Variants in TICAM1 observed in about 807,000 individuals in gnomAD.
TICAM1 encodes the protein TIR domain-containing adapter molecule 1.
For synonymous variants in TICAM1, 439 were observed against 415.4 expected (o/e 1.06, Z -0.69); for missense variants, 895 against 938.2 (o/e 0.95, Z 0.60).
chr19:4,820,960 G>A (rs1189518903), intron 1 of TICAM1, among the ~76,000 whole-genome samples: 1 of 151,618 alleles, frequency 6.6e-6, no homozygotes, highest in African/African-American at 2.4e-5. Context: ...GGGAAGCTAA[G>A]GCGGACAGAT....
chr19:4,817,276 A>AAGGAGGAGGAGG lies in TICAM1; in HGVS notation c.1090_1101dup (p.Pro364_Pro367dup). 6.2e-7 allele frequency: 1 copy of AAGGAGGAGGAGG among 1,603,044 alleles called. No individual in the cohort carries two copies. Among genetic ancestry groups the AAGGAGGAGGAGG allele is most frequent in the South Asian group, 1.1e-5 (1 of 90,622 alleles). On this transcript the variant is annotated inframe_insertion, in exon 2 of 2. Coordinates refer to ENST00000248244, the MANE Select transcript of TICAM1 (RefSeq NM_182919.4). The surrounding 1 kb of genome is among the most constrained non-coding windows in gnomAD (Gnocchi z 4.7). ...AGGTGAGCTGAACAAGGAGTAGATG[A>AAGGAGGAGGAGG]AGGAGGAGGAGGAGGAGGAGGAGGG... is the stretch of plus-strand genomic sequence containing the variant.
At chr19:4,819,554 C>T (rs2093593664) in intron 1 of TICAM1, among the ~76,000 whole-genome samples, 1 of 152,084 alleles carries the variant, frequency 6.6e-6, no homozygotes, top group Non-Finnish European at 1.5e-5. Flanking sequence ...TGACTGAAAG[C>T]CAGTAGGTGC....
intron 1 of TICAM1, among the ~76,000 whole-genome samples, chr19:4,826,594 G>T (rs1159657902): frequency 6.6e-6 from 1 of 152,130 alleles, no homozygotes; most frequent in African/African-American, 2.4e-5. Context: ...CAAAGTGCTG[G>T]GATTACAGGC....
chr19:4,822,552 TATAA>T (rs1310003049), intron 1 of TICAM1, among the ~76,000 whole-genome samples: 4 of 152,252 alleles, frequency 2.6e-5, no homozygotes, highest in Non-Finnish European at 4.4e-5. Flanking sequence ...CAATTGCTTT[TATAA>T]ATAAAGTTTT....
rs1307591427 is a variant in TICAM1, at chr19:4,829,130, C to T, written c.-140+2484G>A. Among the ~76,000 whole-genome samples the T allele has an allele frequency of 3.3e-5, 5 of 152,182 alleles. No individual in the cohort carries two copies. The East Asian group carries it at 5.8e-4, about 18-fold the overall frequency. ...GATTACAGGCATGAGCCACTGCGCCCGGCCTGTATAGGACTCTTAAAGCAG... is the reference window on the plus strand; with the variant it reads ...GATTACAGGCATGAGCCACTGCGCCTGGCCTGTATAGGACTCTTAAAGCAG... On this transcript the variant is annotated intron_variant, in intron 1 of 1. Transcript: ENST00000248244.
At chr19:4,821,644 ATT>A (rs67187848) in intron 1 of TICAM1, among the ~76,000 whole-genome samples, 27 of 136,608 alleles carry the variant, frequency 2.0e-4, no homozygotes, top group Non-Finnish European at 1.6e-4. Flanking sequence ...ATGGCCCACG[ATT>A]TTTTTTTTTT....
In TICAM1 at chr19:4,817,334, C is replaced by G. The variant is rs772969793; in HGVS notation, c.1044G>C (p.Pro348=). The G allele has an allele frequency of 1.2e-6, 2 of 1,612,998 alleles. No homozygotes were observed. The highest frequency in any genetic ancestry group is 1.7e-5 in the Admixed American group (1 of 59,912). ...CTGGGGTGGTGGGAGTAGGTGGGCA[C>G]GGCTTGGTATTTGGAGAGGTGGTAT... ...VEDTTSPNTK[P]CPPTPTTPET... The change falls in exon 2 of 2, where the codon CCG becomes CCC. Residue 348 remains proline (P), a synonymous_variant. Coordinates refer to ENST00000248244, the MANE Select transcript of TICAM1 (RefSeq NM_182919.4). This position sits in a 1 kb window ranked among gnomAD's most constrained non-coding sequence, Gnocchi z 4.7.
Position 4,816,329 on chromosome 19 carries a change from G to C in TICAM1, c.2049C>G (p.His683Gln). The change falls in exon 2 of 2, where the codon CAC becomes CAG. Residue 683 changes from histidine (H) to glutamine (Q), a missense_variant. Transcript: ENST00000248244. This position sits in a 1 kb window ranked among gnomAD's most constrained non-coding sequence, Gnocchi z 4.3. ...TCAGCCCCAGCTGTACCATCTGTGC[G>C]TGGTGGATAATGAGGGGTTGCAGCC... The part of the protein sequence containing the change: ...SPGLQPLIIH[H>Q]AQMVQLGLNN... 6.3e-7 allele frequency: 1 copy of C among 1,576,936 alleles called. No homozygotes were observed. Among genetic ancestry groups the C allele is most frequent in the Non-Finnish European group, 8.6e-7 (1 of 1,163,232 alleles).
At chr19:4,828,619 C>G (rs182028583) in intron 1 of TICAM1, among the ~76,000 whole-genome samples, 240 of 152,010 alleles carry the variant, frequency 1.6e-3, no homozygotes, top group African/African-American at 5.6e-3. Flanking sequence ...CTACAGCCTC[C>G]GCATCCTGGG....
At position 4,816,631 on chromosome 19, in the gene TICAM1, G is replaced by A. The variant is rs1432416352; in HGVS notation, c.1747C>T (p.Gln583Ter). The change falls in exon 2 of 2, where the codon CAG becomes TAG. Residue 583 changes from glutamine to a stop codon, truncating the protein, a stop_gained. Transcript: ENST00000248244. LOFTEE classifies it low-confidence loss of function (END_TRUNC). The surrounding 1 kb of genome is among the most constrained non-coding windows in gnomAD (Gnocchi z 4.3). ...AAAGCCACCTGGAGCTGCTCCATCT[G>A]TGCCTGGTAGGACAAGTAGCTCTGG... ...YLQSYLSYQA[Q>*]MEQLQVAFGS... The A allele has an allele frequency of 6.2e-7, 1 of 1,614,050 alleles. No homozygotes were observed. Among genetic ancestry groups the A allele is most frequent in the East Asian group, 2.2e-5 (1 of 44,896 alleles).
chr19:4,827,731 C>T (rs1039776325), intron 1 of TICAM1, among the ~76,000 whole-genome samples: 2 of 145,802 alleles, frequency 1.4e-5, no homozygotes, highest in African/African-American at 2.5e-5. Context: ...GCACTCCAGC[C>T]TGGGTGACAG....
intron 1 of TICAM1, among the ~76,000 whole-genome samples, chr19:4,830,474 C>T (rs1316641512): frequency 6.6e-6 from 1 of 152,082 alleles, no homozygotes; most frequent in South Asian, 2.1e-4. Context: ...CCACCTTGTC[C>T]TTTTTAAATG....
At chr19:4,824,070 G>A (rs2093602067) in intron 1 of TICAM1, among the ~76,000 whole-genome samples, 1 of 151,894 alleles carries the variant, frequency 6.6e-6, no homozygotes, top group Non-Finnish European at 1.5e-5. Flanking sequence ...GTGCAGTGGT[G>A]CGATCTTAGC....
intron 1 of TICAM1, among the ~76,000 whole-genome samples, chr19:4,829,764 C>T (rs1217271165): frequency 6.6e-6 from 1 of 150,470 alleles, no homozygotes; most frequent in Non-Finnish European, 1.5e-5. Context: ...TTTTCTCTTC[C>T]TCTTCCTTTT....
intron 1 of TICAM1, among the ~76,000 whole-genome samples, chr19:4,827,372 CAAAAAAAAAAAAAAAAAAAAAA>C (rs57574607): frequency 3.7e-5 from 2 of 54,148 alleles, no homozygotes; most frequent in African/African-American, 1.3e-4. Flanking sequence ...ACTCTGTCTC[CAAAAAAAAAAAAAAAAAAAAAA>C]AAAAAAAAAG....
At chr19:4,829,805 CTTTTTTT>C (rs539314470) in intron 1 of TICAM1, among the ~76,000 whole-genome samples, 11 of 87,628 alleles carry the variant, frequency 1.3e-4, no homozygotes, top group African/African-American at 2.2e-4. Flanking sequence ...AATTTCATTT[CTTTTTTT>C]TTTTTTTTTT....
At chr19:4,829,742 T>C (rs1016907627) in intron 1 of TICAM1, among the ~76,000 whole-genome samples, 3 of 151,882 alleles carry the variant, frequency 2.0e-5, no homozygotes, top group Non-Finnish European at 4.4e-5. Context: ...TGACAATAAA[T>C]ATTGGCAGAC....
chr19:4,821,588 TC>T (rs1265676522), intron 1 of TICAM1, among the ~76,000 whole-genome samples: 5 of 151,546 alleles, frequency 3.3e-5, no homozygotes, highest in Non-Finnish European at 7.4e-5. Context: ...GTTAAGCCTG[TC>T]CTGATCCCAC....
intron 1 of TICAM1, among the ~76,000 whole-genome samples, chr19:4,819,771 A>G (rs2093594169): frequency 6.6e-6 from 1 of 152,144 alleles, no homozygotes; most frequent in Non-Finnish European, 1.5e-5. Flanking sequence ...GCTACTCAGG[A>G]GGCTGAGGCA....
Sources: allele counts gnomAD v4.1 joint callset (sites outside exome capture counted in the v4.1 genomes callset), GRCh38; gene constraint gnomAD v4.1.1; non-coding constraint Gnocchi (gnomAD v3.1); transcripts MANE v1.5; gene names NCBI Gene and HGNC (gene_info 2026-07-23, HGNC 2026-07-21).